SLC22A3: variants seen among roughly 807,000 people sequenced by gnomAD.
SLC22A3 encodes the protein solute carrier family 22 member 3.
A neutral mutation model predicts 59.1 loss-of-function variants in SLC22A3; 51 were observed. That is an observed-to-expected ratio of 0.86 (90% CI 0.69 to 1.09). SLC22A3 has a LOEUF of 1.09. SLC22A3 is among the 50% of genes least tolerant of loss of function. The probability of loss-of-function intolerance (pLI) is 0.00; values close to 1 mark genes in which losing one functional copy is unlikely to be tolerated. For synonymous variants in SLC22A3, 325 were observed against 292.0 expected, an observed-to-expected ratio of 1.11 and a Z score of -1.15; for missense variants, 711 against 726.3, an observed-to-expected ratio of 0.98 and a Z score of 0.24.
intron 1 of SLC22A3, among the ~76,000 whole-genome samples, chr6:160,395,287 T>C (rs1456403300): frequency 6.6e-6 from 1 of 152,220 alleles, no homozygotes; most frequent in Non-Finnish European, 1.5e-5. Context: ...TTAATTCACA[T>C]AGTTCAAAAG....
chr6:160,451,089 C>G lies in SLC22A3; in HGVS notation c.*33C>G. The stretch of plus-strand genomic sequence containing the variant: ...GACAAAGACAGAAAGAAGGAGCTAT[C>G]CAGGAGCTGATCCTCCTTGCAAAGC... On this transcript the variant is annotated 3_prime_UTR_variant, in exon 11 of 11. Coordinates refer to ENST00000275300, the MANE Select transcript of SLC22A3 (RefSeq NM_021977.4). 1 of 1,570,364 alleles carries G rather than the reference C, an allele frequency of 6.4e-7. No homozygotes were observed.
chr6:160,426,332 T>C (rs1787951721), intron 5 of SLC22A3: 1 of 985,398 alleles, frequency 1.0e-6, no homozygotes, highest in East Asian at 1.1e-4. Context: ...CTTGTGGTTT[T>C]GGTTCTTGTT....
chr6:160,386,765 C>T (rs1054082071), intron 1 of SLC22A3, among the ~76,000 whole-genome samples: 4 of 152,224 alleles, frequency 2.6e-5, no homozygotes, highest in African/African-American at 4.8e-5. Flanking sequence ...ATGCACAGCA[C>T]TTACCCCAAG....
intron 1 of SLC22A3, among the ~76,000 whole-genome samples, chr6:160,361,475 G>A (rs772692150): frequency 4.6e-5 from 7 of 152,192 alleles, no homozygotes; most frequent in African/African-American, 9.7e-5. Flanking sequence ...ATCAAGGGTC[G>A]TTATGGGAGT....
At chr6:160,439,025 A>T (rs556941360) in intron 7 of SLC22A3, among the ~76,000 whole-genome samples, 1 of 152,226 alleles carries the variant, frequency 6.6e-6, no homozygotes, top group Non-Finnish European at 1.5e-5. Flanking sequence ...GGTAGACATG[A>T]ATTTTGGGAG....
intron 4 of SLC22A3, among the ~76,000 whole-genome samples, chr6:160,410,171 C>T (rs1787188107): frequency 6.6e-6 from 1 of 152,176 alleles, no homozygotes. Flanking sequence ...CATGCACCAC[C>T]ACACCCAGCT....
intron 1 of SLC22A3, among the ~76,000 whole-genome samples, chr6:160,371,851 T>G (rs541480046): frequency 4.0e-4 from 61 of 152,344 alleles, no homozygotes; most frequent in Middle Eastern, 3.4e-3. Context: ...GTTTCCTGCC[T>G]TTTTAATGAT....
At chr6:160,352,105 G>A (rs952226972) in intron 1 of SLC22A3, among the ~76,000 whole-genome samples, 98 of 152,376 alleles carry the variant, frequency 6.4e-4, no homozygotes, top group African/African-American at 2.2e-3. Flanking sequence ...TGGGGAGGCT[G>A]TGCTTTCATT....
intron 1 of SLC22A3, among the ~76,000 whole-genome samples, chr6:160,382,101 C>T (rs1219560175): frequency 6.6e-6 from 1 of 152,118 alleles, no homozygotes; most frequent in Non-Finnish European, 1.5e-5. Context: ...TGCTGATTCC[C>T]AATTTCATCC....
chr6:160,436,836 TC>T lies in SLC22A3; in HGVS notation c.1036del (p.Gln346LysfsTer2). The stretch of plus-strand genomic sequence containing the variant: ...CATCCTTTTTAGATCTGGTGAGAAC[TC>T]CCCAAATGAGGAAATGCACACTTAT... ...NPSFLDLVRT[P>X]QMRKCTLILM... On this transcript the variant is annotated frameshift_variant, in exon 6 of 11. Transcript: ENST00000275300. LOFTEE classifies it high-confidence loss of function. The T allele has an allele frequency of 6.2e-7, 1 of 1,613,886 alleles. No homozygotes were observed. The highest frequency in any genetic ancestry group is 8.5e-7 in the Non-Finnish European group (1 of 1,179,828).
chr6:160,361,684 A>G (rs1188735868), intron 1 of SLC22A3, among the ~76,000 whole-genome samples: 2 of 152,206 alleles, frequency 1.3e-5, no homozygotes, highest in East Asian at 3.8e-4. Context: ...TTTGTCCAGA[A>G]TCTGGAGCTG....
chr6:160,424,621 G>A (rs1347676055), intron 5 of SLC22A3, among the ~76,000 whole-genome samples: 1 of 152,068 alleles, frequency 6.6e-6, no homozygotes, highest in Non-Finnish European at 1.5e-5. Flanking sequence ...ACTGACCTTA[G>A]GGACAAATTC....
At chr6:160,422,095 T>C (rs1787763031) in intron 5 of SLC22A3, among the ~76,000 whole-genome samples, 1 of 152,234 alleles carries the variant, frequency 6.6e-6, no homozygotes, top group Non-Finnish European at 1.5e-5. Context: ...TGTGTTGCCA[T>C]GGCAGTACTG....
Position 160,406,111 on chromosome 6 carries a change from A to G in SLC22A3, c.534-930A>G, listed in dbSNP as rs369908743. Among the ~76,000 whole-genome samples, 38 of 152,312 alleles carry G rather than the reference A, an allele frequency of 2.5e-4. No individual in the cohort carries two copies. The South Asian group carries it at 7.3e-3, about 29-fold the overall frequency. The stretch of plus-strand genomic sequence containing the variant: ...ATGATGTGTCCCTGTAGGTTCGTCA[A>G]TTGCAGCAAGTGTACCACTCCCATG... On this transcript the variant is annotated intron_variant, in intron 2 of 10. Transcript: ENST00000275300.
intron 1 of SLC22A3, among the ~76,000 whole-genome samples, chr6:160,385,354 T>C (rs1349868670): frequency 6.6e-6 from 1 of 152,228 alleles, no homozygotes; most frequent in Non-Finnish European, 1.5e-5. Context: ...ACACAGTGCC[T>C]TGTTCAATTC....
At chr6:160,444,670 C>A (rs143221908) in intron 9 of SLC22A3, among the ~76,000 whole-genome samples, 210 of 152,330 alleles carry the variant, frequency 1.4e-3, no homozygotes, top group African/African-American at 4.9e-3. Flanking sequence ...CACACTTCCC[C>A]TGTGCCCTCT....
chr6:160,419,980 G>T (rs943712690), intron 5 of SLC22A3, among the ~76,000 whole-genome samples: 2 of 151,962 alleles, frequency 1.3e-5, no homozygotes, highest in Non-Finnish European at 1.5e-5. Flanking sequence ...AGACTATATC[G>T]CATAAAATGA....
At chr6:160,429,081 C>G (rs1788062364) in intron 5 of SLC22A3, among the ~76,000 whole-genome samples, 1 of 152,202 alleles carries the variant, frequency 6.6e-6, no homozygotes, top group South Asian at 2.1e-4. Context: ...CTCCCAGCCC[C>G]ACCAGGCCCT....
chr6:160,349,511 A>G (rs655185), intron 1 of SLC22A3, among the ~76,000 whole-genome samples: 75,914 of 151,698 alleles, frequency 0.5, 19,284 homozygotes, highest in African/African-American at 0.59. Flanking sequence ...TTTTAGGAAC[A>G]TAGCGGGAGG....
Sources: allele counts gnomAD v4.1 joint callset (sites outside exome capture counted in the v4.1 genomes callset), GRCh38; gene constraint gnomAD v4.1.1; transcripts MANE v1.5; gene names NCBI Gene and HGNC (gene_info 2026-07-23, HGNC 2026-07-21).